The following KCNIP3 variants were observed in gnomAD, a reference collection of about 807,000 sequenced individuals.
KCNIP3 encodes the protein potassium voltage-gated channel interacting protein 3.
KCNIP3 carries 28 observed loss-of-function variants against 35.0 expected under a neutral mutation model. The observed-to-expected ratio is 0.80, with a 90% CI of 0.59 to 1.10. The LOEUF is 1.10. KCNIP3 is among the 50% of genes least tolerant of loss of function. The pLI is 0.00. For missense variants in KCNIP3, 295 were observed against 338.4 expected (o/e 0.87, Z 1.01); for synonymous variants, 134 against 133.8 (o/e 1.00, Z -0.01).
At chr2:95,357,304 C>T (rs1317543366) in intron 2 of KCNIP3, among the ~76,000 whole-genome samples, 1 of 152,188 alleles carries the variant, frequency 6.6e-6, no homozygotes, top group Non-Finnish European at 1.5e-5. Flanking sequence ...TCTGTGGAAC[C>T]CTATGGTTTA....
At chr2:95,322,993 TC>T (rs1232244516) in intron 2 of KCNIP3, among the ~76,000 whole-genome samples, 1 of 152,206 alleles carries the variant, frequency 6.6e-6, no homozygotes, top group Admixed American at 6.5e-5. Context: ...TTTGGGATTC[TC>T]AAGGAAGAAT....
chr2:95,299,441 G>GT (rs1464293929), intron 1 of KCNIP3, among the ~76,000 whole-genome samples: 1 of 152,326 alleles, frequency 6.6e-6, no homozygotes, highest in Admixed American at 6.5e-5. Flanking sequence ...CTGTCCCCCA[G>GT]TAACGCCCCA....
At chr2:95,320,060 G>T (rs1356189244) in intron 2 of KCNIP3, among the ~76,000 whole-genome samples, 1 of 152,198 alleles carries the variant, frequency 6.6e-6, no homozygotes, top group African/African-American at 2.4e-5. Context: ...CCGGTTCTGG[G>T]ATTCTCAGCC....
intron 2 of KCNIP3, among the ~76,000 whole-genome samples, chr2:95,370,387 GTTCACAGTCCTAAAGCATAGC>G (rs1324115797): frequency 2.6e-5 from 4 of 152,214 alleles, no homozygotes; most frequent in South Asian, 4.1e-4. Flanking sequence ...CAAGGATGTG[GTTCACAGTCCTAAAGCATAGC>G]TTTTCTGGGG....
chr2:95,321,408 A>G (rs1194905590), intron 2 of KCNIP3, among the ~76,000 whole-genome samples: 1 of 152,160 alleles, frequency 6.6e-6, no homozygotes, highest in Non-Finnish European at 1.5e-5. Context: ...GGCGCCCCGG[A>G]TGGAGCCCCA....
chr2:95,351,135 C>T (rs1026846512), intron 2 of KCNIP3, among the ~76,000 whole-genome samples: 1 of 152,248 alleles, frequency 6.6e-6, no homozygotes, highest in African/African-American at 2.4e-5. Context: ...CTTCTCTCTT[C>T]CCCAGCTCCA....
At position 95,324,026 on chromosome 2, in the gene KCNIP3, G is replaced by T. The variant is rs1481450751; in HGVS notation, c.181+13506G>T. Among the ~76,000 whole-genome samples, 7 of 152,294 alleles carry T rather than the reference G, an allele frequency of 4.6e-5. 1 individual carries two copies. The highest frequency in any genetic ancestry group is 3.9e-4 in the Admixed American group (6 of 15,304). ...GGGCGGGGAGGCAGAGGGAGCCCGC[G>T]GCCACTGCCTTGGAATCCCCACCCA... On this transcript the variant is annotated intron_variant, in intron 2 of 8. Coordinates refer to ENST00000295225, the MANE Select transcript of KCNIP3 (RefSeq NM_013434.5).
At position 95,378,563 on chromosome 2, in the gene KCNIP3, C is replaced by A. The variant is rs1197864383; in HGVS notation, c.448-3033C>A. On this transcript the variant is annotated intron_variant, in intron 5 of 8. Coordinates refer to ENST00000295225, the MANE Select transcript of KCNIP3 (RefSeq NM_013434.5). The surrounding 1 kb of genome is among the most constrained non-coding windows in gnomAD (Gnocchi z 4.0). Reference sequence around the variant, plus strand: ...AAGCCTGGCCAACATAGCGAAACCCCGTCTCTACTAAAAATACAAAAAAAA... The same window carrying A: ...AAGCCTGGCCAACATAGCGAAACCCAGTCTCTACTAAAAATACAAAAAAAA... 6.7e-6 allele frequency among the ~76,000 whole-genome samples: 1 copy of A among 149,936 alleles called. No homozygotes were observed. Among genetic ancestry groups the A allele is most frequent in the East Asian group, 2.0e-4 (1 of 5,116 alleles).
chr2:95,331,796 G>C (rs918385576), intron 2 of KCNIP3, among the ~76,000 whole-genome samples: 3 of 152,210 alleles, frequency 2.0e-5, no homozygotes, highest in African/African-American at 7.2e-5. Context: ...GCAGGTGCCC[G>C]ACCCAGGCTG....
chr2:95,323,801 G>A (rs1457304091), intron 2 of KCNIP3, among the ~76,000 whole-genome samples: 1 of 152,164 alleles, frequency 6.6e-6, no homozygotes, highest in Non-Finnish European at 1.5e-5. Flanking sequence ...CTAGGGCCCC[G>A]CAGGCCTTGG....
intron 3 of KCNIP3, 119 bp from the exon 4 acceptor site, chr2:95,374,729 C>A: frequency 8.3e-7 from 1 of 1,200,140 alleles, no homozygotes; most frequent in Non-Finnish European, 1.2e-6. Context: ...GGGGCCCCAG[C>A]AGTGCCACAG....
rs1054579912 is a variant in KCNIP3, at chr2:95,377,081, C to T, written c.447+1873C>T. On this transcript the variant is annotated intron_variant, in intron 5 of 8. Coordinates refer to ENST00000295225, the MANE Select transcript of KCNIP3 (RefSeq NM_013434.5). This position sits in a 1 kb window ranked among gnomAD's most constrained non-coding sequence, Gnocchi z 4.7. ...CCCACCTTGGAGTGGCTCCTGCTCCCATCCCCACGGACCTTCTGGGATTTG... is the reference window on the plus strand; with the variant it reads ...CCCACCTTGGAGTGGCTCCTGCTCCTATCCCCACGGACCTTCTGGGATTTG... 6.6e-6 allele frequency among the ~76,000 whole-genome samples: 1 copy of T among 152,262 alleles called. No individual in the cohort carries two copies. The highest frequency in any genetic ancestry group is 1.5e-5 in the Non-Finnish European group (1 of 68,052).
chr2:95,323,748 G>A (rs545843098), intron 2 of KCNIP3, among the ~76,000 whole-genome samples: 6 of 152,066 alleles, frequency 3.9e-5, no homozygotes, highest in South Asian at 2.1e-4. Flanking sequence ...GCTAAGCCCC[G>A]GACAGGCTGG....
At chr2:95,307,902 C>A (rs747008180) in intron 1 of KCNIP3, among the ~76,000 whole-genome samples, 45 of 152,230 alleles carry the variant, frequency 3.0e-4, no homozygotes, top group Admixed American at 1.3e-4. Flanking sequence ...CCCTCTCTCC[C>A]CTACGACCCT....
At chr2:95,325,640 CGCAT>C (rs1202984845) in intron 2 of KCNIP3, among the ~76,000 whole-genome samples, 1 of 151,582 alleles carries the variant, frequency 6.6e-6, no homozygotes, top group Non-Finnish European at 1.5e-5. Context: ...CACACACACA[CGCAT>C]ACACACAAAT....
chr2:95,333,235 C>T (rs1374453429), intron 2 of KCNIP3, among the ~76,000 whole-genome samples: 1 of 152,258 alleles, frequency 6.6e-6, no homozygotes, highest in African/African-American at 2.4e-5. Context: ...TATCTGCCTG[C>T]ACCTCTAGAG....
intron 2 of KCNIP3, among the ~76,000 whole-genome samples, chr2:95,317,558 G>A (rs1484809895): frequency 6.6e-6 from 1 of 152,194 alleles, no homozygotes; most frequent in Non-Finnish European, 1.5e-5. Flanking sequence ...GGAAAGGCTG[G>A]GAGAGCCAGA....
At chr2:95,341,403 C>T (rs143997797) in intron 2 of KCNIP3, among the ~76,000 whole-genome samples, 268 of 152,252 alleles carry the variant, frequency 1.8e-3, no homozygotes, top group Non-Finnish European at 3.3e-3. Context: ...TACCCAGTCT[C>T]AGGGATTTCT....
chr2:95,339,965 T>C (rs2104256055), intron 2 of KCNIP3, among the ~76,000 whole-genome samples: 1 of 152,292 alleles, frequency 6.6e-6, no homozygotes, highest in Admixed American at 6.5e-5. Flanking sequence ...TGAGTGAGGC[T>C]GGTCACCAAC....
Sources: gnomAD v4.1 joint callset for allele counts (sites outside exome capture counted in the v4.1 genomes callset) on GRCh38, gnomAD v4.1.1 for gene constraint, Gnocchi (gnomAD v3.1) non-coding constraint, MANE v1.5 for transcripts, NCBI Gene and HGNC (gene_info 2026-07-23, HGNC 2026-07-21) for gene names.